Variants in ERN1 observed in about 807,000 individuals in gnomAD.
The protein encoded by ERN1 is serine/threonine-protein kinase/endoribonuclease IRE1.
ERN1 carries 39 observed loss-of-function variants against 113.1 expected under a neutral mutation model. That is an observed-to-expected ratio of 0.34 (90% confidence interval 0.27 to 0.45). ERN1 has a LOEUF of 0.45. ERN1 is among the 20% of genes least tolerant of loss of function. The pLI is 1.00. For synonymous variants in ERN1, 507 were observed against 515.9 expected (o/e 0.98, Z 0.23); for missense variants, 976 against 1,274.8 (o/e 0.77, Z 3.57).
At chr17:64,104,916 CCA>C (rs1914481910) in intron 1 of ERN1, among the ~76,000 whole-genome samples, 1 of 152,030 alleles carries the variant, frequency 6.6e-6, no homozygotes, top group African/African-American at 2.4e-5. Flanking sequence ...TGTTCCATAC[CCA>C]CAGTTTTCCA....
chr17:64,078,815 G>C (rs1913678446), intron 4 of ERN1, among the ~76,000 whole-genome samples: 1 of 152,098 alleles, frequency 6.6e-6, no homozygotes, highest in Non-Finnish European at 1.5e-5. Context: ...GACCAGCCTA[G>C]GCAATATGAT....
At chr17:64,115,908 T>G (rs1048811745) in intron 1 of ERN1, among the ~76,000 whole-genome samples, 4 of 152,314 alleles carry the variant, frequency 2.6e-5, no homozygotes, top group African/African-American at 9.6e-5. Context: ...CAGGCTTTGC[T>G]GCAGCTTCTT....
In ERN1 at chr17:64,044,386, A is replaced by C. The variant is rs1912445838; in HGVS notation, c.2722-186T>G. Among the ~76,000 whole-genome samples, 1 of 152,220 alleles carries C rather than the reference A, an allele frequency of 6.6e-6. No individual in the cohort carries two copies. The highest frequency in any genetic ancestry group is 6.5e-5 in the Admixed American group (1 of 15,288). ...GTCATCTCGCCTGCTACCCTCACTC[A>C]GGAGGAGGCCTTGAAGTGAGCAAGG... On this transcript the variant is annotated intron_variant, in intron 21 of 21. Coordinates refer to ENST00000433197, the MANE Select transcript of ERN1 (RefSeq NM_001433.5). This position sits in a 1 kb window ranked among gnomAD's most constrained non-coding sequence, Gnocchi z 4.1.
intron 1 of ERN1, among the ~76,000 whole-genome samples, chr17:64,115,952 C>T (rs1016467536): frequency 4.6e-5 from 7 of 152,160 alleles, no homozygotes; most frequent in South Asian, 2.1e-4. Flanking sequence ...GCCCAAAATC[C>T]GCATAACAAT....
At chr17:64,071,897 C>T in intron 6 of ERN1, 84 bp downstream of exon 6, 2 of 1,482,712 alleles carry the variant, frequency 1.3e-6, no homozygotes, top group South Asian at 1.2e-5. Context: ...CAGCTCTGGC[C>T]ACCTTCTAGG....
At chr17:64,100,652 T>G (rs143249212) in intron 1 of ERN1, among the ~76,000 whole-genome samples, 23 of 152,206 alleles carry the variant, frequency 1.5e-4, no homozygotes, top group African/African-American at 5.1e-4. Flanking sequence ...GTGCCTGTAT[T>G]CCCAGCTATT....
intron 11 of ERN1, 26 bp from the exon 12 acceptor site, chr17:64,058,019 C>T: frequency 1.3e-6 from 2 of 1,492,950 alleles, no homozygotes; most frequent in Non-Finnish European, 1.8e-6. Context: ...GTTGCGACAT[C>T]ACTGCAAAAT....
intron 1 of ERN1, among the ~76,000 whole-genome samples, chr17:64,099,776 G>A (rs556147496): frequency 1.3e-4 from 20 of 152,282 alleles, no homozygotes; most frequent in African/African-American, 3.6e-4. Flanking sequence ...CAAATACTCT[G>A]GGGTCCCGTA....
intron 1 of ERN1, among the ~76,000 whole-genome samples, chr17:64,127,771 AAAAG>A (rs1271936613): frequency 1.8e-4 from 28 of 151,774 alleles, no homozygotes; most frequent in African/African-American, 6.3e-4. Context: ...AAAAAAAAAA[AAAAG>A]AAGTAGTAGT....
intron 1 of ERN1, among the ~76,000 whole-genome samples, chr17:64,121,500 G>T (rs1021146524): frequency 1.3e-5 from 2 of 151,884 alleles, no homozygotes; most frequent in African/African-American, 4.8e-5. Flanking sequence ...GCAATTTTTT[G>T]TTGTTGTTGT....
chr17:64,060,219 C>A (rs906550164), intron 11 of ERN1, among the ~76,000 whole-genome samples: 5 of 152,164 alleles, frequency 3.3e-5, no homozygotes, highest in African/African-American at 1.2e-4. Flanking sequence ...TCCACCTGGC[C>A]AAATCCTACC....
chr17:64,054,870 C>T lies in ERN1; in HGVS notation c.1673-42G>A, dbSNP rs1217530171. 2 of 1,445,482 alleles carry T rather than the reference C, an allele frequency of 1.4e-6. No homozygotes were observed. The allele number at this position is 1,445,482 out of a possible 1,614,324, so 89.5% of individuals were successfully genotyped here. A position where few individuals can be genotyped will look rare whatever the true frequency, so the allele number is the denominator to read the frequency against. On this transcript the variant is annotated intron_variant, in intron 13 of 21. Coordinates refer to ENST00000433197, the MANE Select transcript of ERN1 (RefSeq NM_001433.5). This position sits in a 1 kb window ranked among gnomAD's most constrained non-coding sequence, Gnocchi z 4.9. ...AAAAGAGATTGTTTCAAACAGATAT[C>T]ACCTAAAGAACCTTGAGGTTAACAT...
At chr17:64,114,070 TAAA>T (rs10718636) in intron 1 of ERN1, among the ~76,000 whole-genome samples, 26 of 112,408 alleles carry the variant, frequency 2.3e-4, no homozygotes, top group Admixed American at 6.0e-4. Context: ...AGGTAAATGC[TAAA>T]AAAAAAAAAA....
At chr17:64,115,606 T>A (rs983639037) in intron 1 of ERN1, among the ~76,000 whole-genome samples, 26 of 152,322 alleles carry the variant, frequency 1.7e-4, no homozygotes, top group African/African-American at 6.3e-4. Context: ...CTAGCCTGTG[T>A]CCATATAGCT....
At chr17:64,106,472 A>G (rs574941369) in intron 1 of ERN1, among the ~76,000 whole-genome samples, 10 of 152,198 alleles carry the variant, frequency 6.6e-5, no homozygotes, top group Non-Finnish European at 1.5e-4. Context: ...GAATGTGCCT[A>G]TGCCAAAGCA....
intron 5 of ERN1, 59 bp downstream of exon 5, chr17:64,075,116 T>A (rs1913546737): frequency 7.2e-7 from 1 of 1,391,752 alleles, no homozygotes; most frequent in East Asian, 2.5e-5. Context: ...CATGCCACTT[T>A]CCCAGATTCC....
At chr17:64,057,696 G>C in intron 12 of ERN1, 106 bp downstream of exon 12, 1 of 1,110,940 alleles carries the variant, frequency 9.0e-7, no homozygotes, top group South Asian at 1.4e-5. Context: ...TTTAAATGGG[G>C]AAAGAAATGT....
chr17:64,044,813 A>T lies in ERN1; in HGVS notation c.2721+47T>A. 8.6e-7 allele frequency: 1 copy of T among 1,168,666 alleles called. No homozygotes were observed. The highest frequency in any genetic ancestry group is 1.3e-6 in the Non-Finnish European group (1 of 795,192). The allele number at this position is 1,168,666 out of a possible 1,614,324, so 72.4% of individuals were successfully genotyped here. ...AATGGATGAAAGGAGGAAGGTGTCC[A>T]TGTCATGGCCACTGGGTCTCCTCCC... On this transcript the variant is annotated intron_variant, in intron 21 of 21. Transcript: ENST00000433197. This position sits in a 1 kb window ranked among gnomAD's most constrained non-coding sequence, Gnocchi z 4.1.
intron 4 of ERN1, among the ~76,000 whole-genome samples, chr17:64,076,725 A>C (rs1913604111): frequency 6.6e-6 from 1 of 151,754 alleles, no homozygotes; most frequent in African/African-American, 2.4e-5. Flanking sequence ...TCAGCCTCCC[A>C]AGTAGCTGGG....
Sources: allele counts gnomAD v4.1 joint callset (sites outside exome capture counted in the v4.1 genomes callset), GRCh38; gene constraint gnomAD v4.1.1; non-coding constraint Gnocchi (gnomAD v3.1); transcripts MANE v1.5; gene names NCBI Gene and HGNC (gene_info 2026-07-23, HGNC 2026-07-21).